Variants in BLOC1S5 observed in about 807,000 individuals in gnomAD.
BLOC1S5 encodes the protein biogenesis of lysosomal organelles complex 1 subunit 5.
BLOC1S5 carries 27 observed loss-of-function variants against 24.3 expected under a neutral mutation model. That is an observed-to-expected ratio of 1.11 (90% CI 0.82 to 1.53). BLOC1S5 has a LOEUF of 1.53. BLOC1S5 is among the 40% of genes most tolerant of loss of function. BLOC1S5 has a pLI of 0.00. For missense variants in BLOC1S5, 239 were observed against 229.4 expected, an observed-to-expected ratio of 1.04 and a Z score of -0.27; for synonymous variants, 84 against 74.5, an observed-to-expected ratio of 1.13 and a Z score of -0.66.
At position 8,013,937 on chromosome 6, in the gene BLOC1S5, G is replaced by A. The variant is rs866149724; in HGVS notation, c.*1712C>T. 5 of 152,154 alleles carry A rather than the reference G, an allele frequency of 3.3e-5. No individual in the cohort carries two copies. Among genetic ancestry groups the A allele is most frequent in the African/African-American group, 1.2e-4 (5 of 41,410 alleles). The allele number at this position is 152,154 out of a possible 1,614,324, so 9.4% of individuals were successfully genotyped here. ...AAGCCTACAGTAGCGGATAGAGAAA[G>A]TTGGCAGAAGTTCAGTGTTATTGAA... On this transcript the variant is annotated 3_prime_UTR_variant, in exon 5 of 5. Transcript: ENST00000397457.
At chr6:8,045,236 G>A (rs1763839595) in intron 2 of BLOC1S5, among the ~76,000 whole-genome samples, 1 of 152,238 alleles carries the variant, frequency 6.6e-6, no homozygotes, top group Non-Finnish European at 1.5e-5. Flanking sequence ...GAAGCCCCAG[G>A]CTTTGGCAGC....
At chr6:8,036,406 C>T (rs1256519190) in intron 3 of BLOC1S5, among the ~76,000 whole-genome samples, 1 of 152,050 alleles carries the variant, frequency 6.6e-6, no homozygotes, top group African/African-American at 2.4e-5. Flanking sequence ...CAACTATACG[C>T]CAACAAATTG....
intron 3 of BLOC1S5, among the ~76,000 whole-genome samples, chr6:8,035,610 C>A (rs931309581): frequency 6.6e-6 from 1 of 152,060 alleles, no homozygotes; most frequent in Admixed American, 6.5e-5. Flanking sequence ...ATAAAACAGA[C>A]TACAAATCAA....
At chr6:8,050,794 G>T (rs987079798) in intron 2 of BLOC1S5, among the ~76,000 whole-genome samples, 8 of 151,744 alleles carry the variant, frequency 5.3e-5, no homozygotes, top group African/African-American at 1.9e-4. Context: ...TAGTAGAGAC[G>T]GGGTTTCGCC....
In BLOC1S5 at chr6:8,062,620, T is replaced by C. The variant is rs1407739321; in HGVS notation, c.113-4A>G. ...CTTGAATGAATTTCTCCAAGATCTA[T>C]AAAGATAAAATGAAATTCAGGGTTA... On this transcript the variant is annotated splice_polypyrimidine_tract_variant and splice_region_variant and intron_variant, in intron 1 of 4. Coordinates refer to ENST00000397457, the MANE Select transcript of BLOC1S5 (RefSeq NM_201280.3). The C allele has an allele frequency of 1.3e-6, 2 of 1,579,750 alleles. No individual in the cohort carries two copies. The highest frequency in any genetic ancestry group is 2.2e-5 in the East Asian group (1 of 44,484).
chr6:8,045,961 A>G (rs1763875352), intron 2 of BLOC1S5, among the ~76,000 whole-genome samples: 1 of 152,184 alleles, frequency 6.6e-6, no homozygotes, highest in African/African-American at 2.4e-5. Context: ...ACTGCTGGGA[A>G]GGCATGATTG....
intron 2 of BLOC1S5, among the ~76,000 whole-genome samples, chr6:8,055,661 C>T (rs988083050): frequency 1.3e-5 from 2 of 151,916 alleles, no homozygotes; most frequent in Non-Finnish European, 2.9e-5. Flanking sequence ...TTTTTCGTTT[C>T]ACAAAGTATT....
intron 2 of BLOC1S5, among the ~76,000 whole-genome samples, chr6:8,058,039 T>C (rs1000362594): frequency 6.6e-6 from 1 of 152,152 alleles, no homozygotes; most frequent in Non-Finnish European, 1.5e-5. Flanking sequence ...GAGGTAGGAA[T>C]TGTTTCCTAT....
chr6:8,053,175 A>G (rs1764185525), intron 2 of BLOC1S5, among the ~76,000 whole-genome samples: 1 of 152,194 alleles, frequency 6.6e-6, no homozygotes, highest in Non-Finnish European at 1.5e-5. Flanking sequence ...GACTGAGATG[A>G]CAATAAAAGG....
intron 2 of BLOC1S5, among the ~76,000 whole-genome samples, chr6:8,046,625 T>C (rs980988281): frequency 6.6e-6 from 1 of 150,766 alleles, no homozygotes; most frequent in Non-Finnish European, 1.5e-5. Flanking sequence ...AACTCTCATA[T>C]ACTCCAAGCT....
intron 4 of BLOC1S5, among the ~76,000 whole-genome samples, chr6:8,019,608 G>GGC (rs2113512263): frequency 3.9e-4 from 2 of 5,168 alleles, no homozygotes; most frequent in South Asian, 0.011. Flanking sequence ...AAAGAAAAAA[G>GGC]GGGGGGGGGG....
rs142264333 is a variant in BLOC1S5 at position 8,053,639 on chromosome 6, T to C, written c.195+8895A>G. 6.4e-3 allele frequency among the ~76,000 whole-genome samples: 981 copies of C among 152,364 alleles called. 5 individuals are homozygous for C. The highest frequency in any genetic ancestry group is 8.8e-3 in the Non-Finnish European group (602 of 68,034). ...CCCAAGAAATTTGTTTAACTTGCTT[T>C]ATTGCAATATTCACGTCATTGCAGA... On this transcript the variant is annotated intron_variant, in intron 2 of 4. Transcript: ENST00000397457.
intron 3 of BLOC1S5, among the ~76,000 whole-genome samples, chr6:8,040,256 G>C (rs1348308499): frequency 1.3e-5 from 2 of 152,138 alleles, no homozygotes; most frequent in Non-Finnish European, 2.9e-5. Flanking sequence ...AGGTGGGGAA[G>C]ATGATAAACA....
intron 4 of BLOC1S5, among the ~76,000 whole-genome samples, chr6:8,020,961 G>C (rs78547696): frequency 0.024 from 3,621 of 152,236 alleles, 146 homozygotes; most frequent in African/African-American, 0.081. Context: ...CATGTTTACA[G>C]CAATGTTATG....
intron 2 of BLOC1S5, among the ~76,000 whole-genome samples, chr6:8,042,300 C>T (rs75382718): frequency 0.039 from 5,946 of 152,212 alleles, 365 homozygotes; most frequent in African/African-American, 0.13. Context: ...ATCTGATTCC[C>T]TTTCTTTTCT....
chr6:8,062,556 C>A lies in BLOC1S5; in HGVS notation c.173G>T (p.Arg58Leu). The A allele has an allele frequency of 6.3e-7, 1 of 1,593,512 alleles. No individual in the cohort carries two copies. The highest frequency in any genetic ancestry group is 8.6e-7 in the Non-Finnish European group (1 of 1,166,922). ...CACTTCAAATTCTTTTACAAAATAA[C>A]GAGTTTCACCTTGAATAACTGGTCT... ...DHRPVIQGET[R>L]YFVKEFEEKR... Residue 58 changes from arginine to leucine, a missense_variant, in exon 2 of 5, where the codon CGT (arginine) becomes CTT (leucine). By Grantham distance (102) the Arg-to-Leu change is moderately radical. Coordinates refer to ENST00000397457, the MANE Select transcript of BLOC1S5 (RefSeq NM_201280.3).
At chr6:8,057,956 G>C (rs1460556384) in intron 2 of BLOC1S5, among the ~76,000 whole-genome samples, 5 of 151,938 alleles carry the variant, frequency 3.3e-5, no homozygotes, top group African/African-American at 7.3e-5. Flanking sequence ...CAAGTCTTTC[G>C]TGCTTATAAC....
At chr6:8,015,930 A>G (rs747786448) in intron 4 of BLOC1S5, 102 bp from the exon 5 acceptor site, 654 of 1,082,186 alleles carry the variant, frequency 6.0e-4, no homozygotes, top group Non-Finnish European at 7.6e-4. Context: ...CTGGTAAGTC[A>G]CAAGGAAAAA....
At chr6:8,061,204 T>C (rs1403599468) in intron 2 of BLOC1S5, among the ~76,000 whole-genome samples, 1 of 152,020 alleles carries the variant, frequency 6.6e-6, no homozygotes, top group African/African-American at 2.4e-5. Flanking sequence ...ATTTTCTGTG[T>C]CTCCCACATT....
Sources: gnomAD v4.1 joint callset for allele counts (sites outside exome capture counted in the v4.1 genomes callset) on GRCh38, gnomAD v4.1.1 for gene constraint, MANE v1.5 for transcripts, NCBI Gene and HGNC (gene_info 2026-07-23, HGNC 2026-07-21) for gene names.